The following TRPM3 variants were observed in gnomAD, a reference collection of about 807,000 sequenced individuals.
TRPM3 encodes the protein long transient receptor potential channel 3.
TRPM3 carries 77 observed loss-of-function variants against 181.2 expected under a neutral mutation model. That is an observed-to-expected ratio of 0.42 (90% CI 0.35 to 0.51). The LOEUF is 0.51. Ranked by LOEUF, TRPM3 falls within the 20% of genes least tolerant of loss-of-function variation. The pLI is 0.01. For missense variants in TRPM3, 1,759 were observed against 2,196.7 expected, an observed-to-expected ratio of 0.80 and a Z score of 3.98; for synonymous variants, 745 against 796.4, an observed-to-expected ratio of 0.94 and a Z score of 1.09.
rs2088766132 is a variant in TRPM3, at chr9:71,317,687, ACACACACGCG to A, written c.183+128956_183+128965del. Among the ~76,000 whole-genome samples the A allele has an allele frequency of 4.6e-5, 7 of 151,824 alleles. No homozygotes were observed. In the South Asian group the frequency reaches 1.2e-3, roughly 27 times the overall value. On this transcript the variant is annotated intron_variant, in intron 1 of 24. Coordinates refer to the TRPM3 transcript ENST00000357533. ...AAAAAATATATATATATACACACAC[ACACACACGCG>A]CACACGCGCGAGAGAGAAGGTGCAA...
At chr9:71,237,043 T>G (rs1424731797) in intron 1 of TRPM3, among the ~76,000 whole-genome samples, 1 of 4,722 alleles carries the variant, frequency 2.1e-4, no homozygotes, top group Non-Finnish European at 4.1e-4. Flanking sequence ...CAAGACTCCA[T>G]CAAAAAAAAA....
In TRPM3 at chr9:70,621,284, A is replaced by T; in HGVS notation, c.1810-11T>A. 6.2e-7 allele frequency: 1 copy of T among 1,600,500 alleles called. No homozygotes were observed. The highest frequency in any genetic ancestry group is 8.5e-7 in the Non-Finnish European group (1 of 1,172,802). ...TTTCAAGGCTTTGGGCTGTTAAAAA[A>T]AACGTTGTGAACAAAGTTAGATCAG... On this transcript the variant is annotated splice_polypyrimidine_tract_variant and intron_variant, in intron 14 of 25. Transcript: ENST00000677713.
chr9:71,104,701 C>T (rs905514568), intron 1 of TRPM3, among the ~76,000 whole-genome samples: 3 of 152,008 alleles, frequency 2.0e-5, no homozygotes, highest in Non-Finnish European at 4.4e-5. Context: ...GTTTTTTTTG[C>T]TGTTGTTATT....
At chr9:70,935,420 G>C (rs2096819941) in intron 1 of TRPM3, among the ~76,000 whole-genome samples, 1 of 152,140 alleles carries the variant, frequency 6.6e-6, no homozygotes, top group Non-Finnish European at 1.5e-5. Flanking sequence ...ATGAATGCTT[G>C]GGGATATTGT....
At chr9:71,025,121 C>G (rs888853074) in intron 1 of TRPM3, among the ~76,000 whole-genome samples, 1 of 152,184 alleles carries the variant, frequency 6.6e-6, no homozygotes, top group Non-Finnish European at 1.5e-5. Context: ...GTATTTATTT[C>G]TTACCAAAGT....
At chr9:70,538,713 C>T (rs1462785341) in intron 25 of TRPM3, among the ~76,000 whole-genome samples, 1 of 152,122 alleles carries the variant, frequency 6.6e-6, no homozygotes, top group African/African-American at 2.4e-5. Flanking sequence ...CAGGTGTGAA[C>T]CCTGGAAATT....
chr9:70,787,255 A>AACAC (rs35704005), intron 6 of TRPM3, among the ~76,000 whole-genome samples: 3 of 151,756 alleles, frequency 2.0e-5, no homozygotes, highest in South Asian at 2.1e-4. Context: ...TCCAGAGCTG[A>AACAC]ACACACACAC....
At chr9:71,206,417 C>T (rs1405427617) in intron 1 of TRPM3, among the ~76,000 whole-genome samples, 4 of 152,114 alleles carry the variant, frequency 2.6e-5, no homozygotes, top group African/African-American at 7.2e-5. Context: ...CTGTTCATAT[C>T]CTTCACCCAC....
chr9:71,034,452 T>C (rs566453082), intron 1 of TRPM3, among the ~76,000 whole-genome samples: 51 of 152,300 alleles, frequency 3.3e-4, no homozygotes, highest in African/African-American at 1.2e-3. Flanking sequence ...GGTGATCCTA[T>C]ACTGGGTTTG....
At chr9:70,565,300 A>ATT (rs138794076) in intron 22 of TRPM3, among the ~76,000 whole-genome samples, 37 of 149,976 alleles carry the variant, frequency 2.5e-4, no homozygotes, top group African/African-American at 8.8e-4. Flanking sequence ...TTTTATTTTT[A>ATT]TTTTTTTTTT....
chr9:71,112,555 A>G (rs1182870732), intron 1 of TRPM3, among the ~76,000 whole-genome samples: 1 of 152,214 alleles, frequency 6.6e-6, no homozygotes, highest in Non-Finnish European at 1.5e-5. Context: ...TCTGAGTAGC[A>G]ACTTCAGAAC....
At chr9:70,671,612 G>T (rs1374553526) in intron 9 of TRPM3, among the ~76,000 whole-genome samples, 1 of 152,132 alleles carries the variant, frequency 6.6e-6, no homozygotes, top group African/African-American at 2.4e-5. Context: ...AACTTTATGA[G>T]TATGACTTGA....
intron 12 of TRPM3, among the ~76,000 whole-genome samples, chr9:70,629,737 T>G (rs2065451546): frequency 6.6e-6 from 1 of 152,330 alleles, no homozygotes; most frequent in African/African-American, 2.4e-5. Flanking sequence ...GATGCTCTCC[T>G]GTAAGTGATA....
intron 1 of TRPM3, among the ~76,000 whole-genome samples, chr9:71,018,182 T>G (rs2097801504): frequency 6.6e-6 from 1 of 151,596 alleles, no homozygotes; most frequent in Non-Finnish European, 1.5e-5. Context: ...AAAGCTGTAC[T>G]TCCAGAGAAA....
At chr9:71,038,866 T>C (rs770390159) in intron 1 of TRPM3, among the ~76,000 whole-genome samples, 1 of 152,128 alleles carries the variant, frequency 6.6e-6, no homozygotes, top group Non-Finnish European at 1.5e-5. Context: ...AAACAGTACC[T>C]GCTGATGTCC....
intron 22 of TRPM3, among the ~76,000 whole-genome samples, chr9:70,564,630 C>T (rs943065916): frequency 9.2e-5 from 14 of 152,200 alleles, no homozygotes; most frequent in Non-Finnish European, 2.1e-4. Flanking sequence ...GAACCAGCAA[C>T]CTCATATCAG....
intron 1 of TRPM3, among the ~76,000 whole-genome samples, chr9:71,386,737 G>C (rs939160843): frequency 1.3e-5 from 2 of 152,096 alleles, no homozygotes; most frequent in Non-Finnish European, 2.9e-5. Flanking sequence ...CTTAAGCCAT[G>C]GATAAGGGCT....
In TRPM3 at chr9:70,819,003, A is replaced by G. The variant is rs183481740; in HGVS notation, c.973+8844T>C. On this transcript the variant is annotated intron_variant, in intron 6 of 25. Coordinates refer to ENST00000677713, the MANE Select transcript of TRPM3 (RefSeq NM_001366145.2). ...CATTCACTAGTAACATTTCCTCTAC[A>G]TATGTCTTTACACTTGTATAGGCTA... is the stretch of plus-strand genomic sequence containing the variant. Among the ~76,000 whole-genome samples, 176 of 152,288 alleles carry G rather than the reference A, an allele frequency of 1.2e-3. 1 individual carries two copies. The highest frequency in any genetic ancestry group is 4.0e-3 in the African/African-American group (166 of 41,570).
chr9:71,416,589 A>G (rs982030596), intron 1 of TRPM3, among the ~76,000 whole-genome samples: 5 of 151,986 alleles, frequency 3.3e-5, no homozygotes, highest in Non-Finnish European at 7.4e-5. Flanking sequence ...TATATTTTAA[A>G]AAACATAACC....
Sources: gnomAD v4.1 joint callset for allele counts (sites outside exome capture counted in the v4.1 genomes callset) on GRCh38, gnomAD v4.1.1 for gene constraint, MANE v1.5 for transcripts, NCBI Gene and HGNC (gene_info 2026-07-23, HGNC 2026-07-21) for gene names.